AFAP1L2: variants seen among roughly 807,000 people sequenced by gnomAD.
The protein encoded by AFAP1L2 is actin filament associated protein 1 like 2.
AFAP1L2 carries 46 observed loss-of-function variants against 99.3 expected under a neutral mutation model. That is an observed-to-expected ratio of 0.46 (90% confidence interval 0.37 to 0.59). The LOEUF (loss-of-function observed/expected upper bound fraction) is 0.59. Among genes scored for constraint, AFAP1L2 ranks in the 20% least tolerant of loss-of-function variants. The pLI is 0.00. For missense variants in AFAP1L2, 959 were observed against 1,034.9 expected (o/e 0.93, Z 1.01); for synonymous variants, 397 against 419.1 (o/e 0.95, Z 0.64).
At chr10:114,397,845 C>G (rs1189899006) in intron 1 of AFAP1L2, among the ~76,000 whole-genome samples, 1 of 152,168 alleles carries the variant, frequency 6.6e-6, no homozygotes, top group Non-Finnish European at 1.5e-5. Context: ...AAGCTCACCA[C>G]AGTCCACCAG....
chr10:114,338,391 A>T (rs527882609), intron 2 of AFAP1L2, among the ~76,000 whole-genome samples: 1 of 152,332 alleles, frequency 6.6e-6, no homozygotes, highest in South Asian at 2.1e-4. Flanking sequence ...AAATCAACTC[A>T]ACTGTTATGA....
At chr10:114,306,881 C>A (rs1046584534) in intron 10 of AFAP1L2, among the ~76,000 whole-genome samples, 1 of 152,172 alleles carries the variant, frequency 6.6e-6, no homozygotes, top group Non-Finnish European at 1.5e-5. Flanking sequence ...GAGGCCACTG[C>A]CTGGCACCCT....
intron 10 of AFAP1L2, among the ~76,000 whole-genome samples, chr10:114,306,339 G>GGGGACGCGGGGGCAGGAT (rs2042416804): frequency 6.6e-6 from 1 of 150,588 alleles, no homozygotes; most frequent in Non-Finnish European, 1.5e-5. Flanking sequence ...GGGGGCAGGA[G>GGGGACGCGGGGGCAGGAT]GGGACGCGGG....
downstream of AFAP1L2, chr10:114,291,194 C>A (rs1394946146): frequency 1.3e-6 from 2 of 1,550,436 alleles, no homozygotes; most frequent in Non-Finnish European, 8.7e-7. Flanking sequence ...CACTCCTGTC[C>A]TCAGACTTCA....
At chr10:114,335,211 C>A (rs753241010) in intron 2 of AFAP1L2, among the ~76,000 whole-genome samples, 19 of 152,138 alleles carry the variant, frequency 1.2e-4, no homozygotes, top group Non-Finnish European at 1.9e-4. Context: ...TTTGACCCAG[C>A]ATTTCTACTG....
chr10:114,328,345 C>T (rs2046710202), intron 4 of AFAP1L2, among the ~76,000 whole-genome samples: 1 of 152,160 alleles, frequency 6.6e-6, no homozygotes, highest in Admixed American at 6.5e-5. Context: ...AGGTGGATGT[C>T]CACGTGCTGC....
At chr10:114,327,362 C>T (rs1411732671) in intron 4 of AFAP1L2, among the ~76,000 whole-genome samples, 1 of 151,254 alleles carries the variant, frequency 6.6e-6, no homozygotes, top group Admixed American at 6.6e-5. Context: ...CCATGTTGGC[C>T]AGGCTGGTCT....
intron 4 of AFAP1L2, 78 bp downstream of exon 4, chr10:114,331,725 G>A (rs1158809960): frequency 5.8e-6 from 6 of 1,037,714 alleles, no homozygotes; most frequent in Non-Finnish European, 7.7e-6. Context: ...GACACTTAGT[G>A]AGCTGACACC....
intron 1 of AFAP1L2, among the ~76,000 whole-genome samples, chr10:114,371,093 G>A (rs530365973): frequency 5.1e-4 from 77 of 152,282 alleles, no homozygotes; most frequent in African/African-American, 1.7e-3. Context: ...GGCCACCTAC[G>A]GGACCCATGG....
At chr10:114,282,630 G>T in the AFAP1L2 span, 1 of 1,496,714 alleles carries the variant, frequency 6.7e-7, no homozygotes, top group African/African-American at 1.4e-5. Flanking sequence ...AGGCTGCTTT[G>T]TAAAGTGGCT....
rs1344555768 is a variant in AFAP1L2, at chr10:114,403,423, C to T, written c.16+1017G>A. On this transcript the variant is annotated intron_variant, in intron 1 of 18. Coordinates refer to ENST00000304129, the MANE Select transcript of AFAP1L2 (RefSeq NM_001001936.3). Reference sequence around the variant, plus strand: ...CTCCGGGAGTGAGATTCCTGGGAATCTGAGCGTTCTCTTTTTATTACTCTC... The same window carrying T: ...CTCCGGGAGTGAGATTCCTGGGAATTTGAGCGTTCTCTTTTTATTACTCTC... 2.6e-5 allele frequency among the ~76,000 whole-genome samples: 4 copies of T among 152,190 alleles called. No homozygotes were observed. The East Asian group carries it at 7.7e-4, about 29-fold the overall frequency.
the AFAP1L2 span, among the ~76,000 whole-genome samples, chr10:114,288,051 C>A: frequency 6.6e-5 from 10 of 152,170 alleles, no homozygotes; most frequent in African/African-American, 2.4e-4. Context: ...CTTAGAATTT[C>A]CAGTGGTTCC....
Position 114,299,196 on chromosome 10 carries a change from C to T in AFAP1L2, c.2113+64G>A. 4 of 1,590,206 alleles carry T rather than the reference C, an allele frequency of 2.5e-6. No homozygotes were observed. In the Admixed American group the frequency reaches 7.0e-5, roughly 28 times the overall value. ...GGTGTGGTGACAGCCAGATCTTCCG[C>T]CAAAAAGTTAAGCCTACACGGCCCT... On this transcript the variant is annotated intron_variant, in intron 16 of 18. Transcript: ENST00000304129.
chr10:114,386,302 G>A (rs147724677), intron 1 of AFAP1L2, among the ~76,000 whole-genome samples: 176 of 152,272 alleles, frequency 1.2e-3, no homozygotes, highest in African/African-American at 4.0e-3. Context: ...TCAAGAAGTC[G>A]AGGTGGGAGG....
the AFAP1L2 span, among the ~76,000 whole-genome samples, chr10:114,288,713 C>T: frequency 6.6e-6 from 1 of 152,232 alleles, no homozygotes; most frequent in Admixed American, 6.5e-5. Flanking sequence ...GCCACCCTAG[C>T]TGCCAGGAAG....
the AFAP1L2 span, among the ~76,000 whole-genome samples, chr10:114,283,807 T>A: frequency 6.6e-6 from 1 of 152,246 alleles, no homozygotes; most frequent in Non-Finnish European, 1.5e-5. Context: ...ATTTCCACAG[T>A]CTTCTGGCTG....
chr10:114,321,201 TG>T (rs1403237020), intron 5 of AFAP1L2, among the ~76,000 whole-genome samples: 4 of 152,120 alleles, frequency 2.6e-5, no homozygotes, highest in African/African-American at 9.7e-5. Flanking sequence ...GATAGTGCAC[TG>T]TCATTCGAGT....
At chr10:114,326,093 A>C in intron 4 of AFAP1L2, 2 of 1,247,894 alleles carry the variant, frequency 1.6e-6, no homozygotes, top group South Asian at 1.3e-5. Flanking sequence ...GGAGCTCCCC[A>C]TGGGTCATCA....
At chr10:114,367,784 A>G (rs2053504557) in intron 1 of AFAP1L2, among the ~76,000 whole-genome samples, 1 of 152,212 alleles carries the variant, frequency 6.6e-6, no homozygotes, top group Non-Finnish European at 1.5e-5. Flanking sequence ...ACTGTGGGAT[A>G]ATGTTTTGCA....
Sources: gnomAD v4.1 joint callset for allele counts (sites outside exome capture counted in the v4.1 genomes callset) on GRCh38, gnomAD v4.1.1 for gene constraint, MANE v1.5 for transcripts, NCBI Gene and HGNC (gene_info 2026-07-23, HGNC 2026-07-21) for gene names.